Variants in GLUD2 observed in about 807,000 individuals in gnomAD.
The protein encoded by GLUD2 is glutamate dehydrogenase 2.
Under a neutral mutation model 16.2 loss-of-function variants are expected in GLUD2, and 11 were observed. That is an observed-to-expected ratio of 0.68 (90% CI 0.43 to 1.13). The LOEUF is 1.13. Ranked by LOEUF, GLUD2 falls within the 50% of genes most tolerant of loss-of-function variation. The probability of loss-of-function intolerance (pLI) is 0.00; values close to 1 mark genes in which losing one functional copy is unlikely to be tolerated. For missense variants in GLUD2, 360 were observed against 456.4 expected (o/e 0.79, Z 1.93); for synonymous variants, 147 against 181.9 (o/e 0.81, Z 1.55).
At position 121,048,908 on chromosome X, in the gene GLUD2, A is replaced by C; in HGVS notation, c.1224A>C (p.Pro408=). The change falls in exon 1 of 1, where the codon CCA becomes CCC. Residue 408 remains proline, a synonymous_variant. Coordinates refer to ENST00000328078, the MANE Select transcript of GLUD2 (RefSeq NM_012084.4). ...AKIIAEGANG[P]TTPEADKIFL... The stretch of plus-strand genomic sequence containing the variant: ...TCATTGCTGAAGGTGCCAATGGGCC[A>C]ACAACTCCAGAAGCTGATAAGATCT... The C allele has an allele frequency of 8.3e-7, 1 of 1,212,040 alleles. No individual in the cohort carries two copies. The highest frequency in any genetic ancestry group is 1.1e-6 in the Non-Finnish European group (1 of 895,533).
chrX:121,047,830 C>A lies in GLUD2; in HGVS notation c.146C>A (p.Ala49Asp). The change falls in exon 1 of 1, where the codon GCC becomes GAC. Residue 49 changes from alanine to aspartate, a missense_variant. Around this residue, in one of 3 missense-constraint regions of GLUD2, gnomAD observed 58 missense variants for 49.9 expected, o/e 1.16. Coordinates refer to ENST00000328078, the MANE Select transcript of GLUD2 (RefSeq NM_012084.4). ...TCGCAGCCGGGGCTCGCATTGGCCG[C>A]CCGGCGCCACTACAGCGAGTTGGTG... The part of the protein sequence containing the change: ...AASQPGLALA[A>D]RRHYSELVAD... The A allele has an allele frequency of 8.3e-7, 1 of 1,209,241 alleles. No individual in the cohort carries two copies.
chrX:121,048,194 C>T lies in GLUD2; in HGVS notation c.510C>T (p.Tyr170=). The T allele has an allele frequency of 8.3e-7, 1 of 1,211,890 alleles. No homozygotes were observed. Among genetic ancestry groups the T allele is most frequent in the Middle Eastern group, 2.3e-4 (1 of 4,302 alleles). The change falls in exon 1 of 1, where the codon TAC becomes TAT. Residue 170 remains tyrosine (Y), a synonymous_variant. Transcript: ENST00000328078. ...EVKALASLMT[Y]KCAVVDVPFG... ...AAGCTTTGGCTTCTCTGATGACATA[C>T]AAGTGTGCAGTGGTTGATGTGCCGT...
rs1014489604 is a variant in GLUD2, at chrX:121,048,026, T to A, written c.342T>A (p.His114Gln). ...GILRIIKPCN[H>Q]VLSLSFPIRR... The stretch of plus-strand genomic sequence containing the variant: ...TGCGGATCATCAAGCCCTGCAACCA[T>A]GTGCTGAGTCTCTCCTTCCCCATCC... The change falls in exon 1 of 1, where the codon CAT becomes CAA. Residue 114 changes from histidine (H) to glutamine (Q), a missense_variant. Physicochemically the swap from His to Gln is conservative, Grantham distance 24. This residue lies in a region of GLUD2 where 279 missense variants were observed against 352.9 expected (regional missense o/e 0.79). Transcript: ENST00000328078. The A allele has an allele frequency of 1.2e-5, 14 of 1,211,651 alleles. No individual in the cohort carries two copies. The highest frequency in any genetic ancestry group is 1.6e-5 in the Non-Finnish European group (14 of 895,410).
In GLUD2 at chrX:121,047,818, T is replaced by C. The variant is rs1443426846; in HGVS notation, c.134T>C (p.Leu45Pro). ...CCCGCCGCCGCCTCGCAGCCGGGGC[T>C]CGCATTGGCCGCCCGGCGCCACTAC... ...GQPAAASQPG[L>P]ALAARRHYSE... The change falls in exon 1 of 1, where the codon CTC (leucine) becomes CCC (proline). Residue 45 changes from leucine (L) to proline (P), a missense_variant. Physicochemically the swap from Leu to Pro is moderately conservative, Grantham distance 98. Around this residue, in one of 3 missense-constraint regions of GLUD2, gnomAD observed 58 missense variants for 49.9 expected, o/e 1.16. Coordinates refer to ENST00000328078, the MANE Select transcript of GLUD2 (RefSeq NM_012084.4). The C allele has an allele frequency of 8.3e-7, 1 of 1,206,656 alleles. No homozygotes were observed. The highest frequency in any genetic ancestry group is 1.1e-6 in the Non-Finnish European group (1 of 894,431).
In GLUD2 at chrX:121,048,926, T is replaced by C. The variant is rs754281556; in HGVS notation, c.1242T>C (p.Asp414=). The C allele has an allele frequency of 2.3e-5, 28 of 1,210,282 alleles. No individual in the cohort carries two copies. The Admixed American group carries it at 4.4e-4, about 19-fold the overall frequency. The part of the protein sequence containing the change: ...GANGPTTPEA[D]KIFLERNILV... ...ATGGGCCAACAACTCCAGAAGCTGA[T>C]AAGATCTTCCTGGAGAGAAACATTT... Residue 414 remains aspartate, a synonymous_variant, in exon 1 of 1, where the codon GAT becomes GAC. Coordinates refer to ENST00000328078, the MANE Select transcript of GLUD2 (RefSeq NM_012084.4).
rs202107973 is a variant in GLUD2, at chrX:121,049,371, G to A, written c.*10G>A. On this transcript the variant is annotated 3_prime_UTR_variant, in exon 1 of 1. Coordinates refer to ENST00000328078, the MANE Select transcript of GLUD2 (RefSeq NM_012084.4). ...TGTGACCTTCACATAGATGGATCAT[G>A]GCTGACTTCCTCACTAACCTCTTCA... The A allele has an allele frequency of 3.9e-4, 469 of 1,191,966 alleles. No individual in the cohort carries two copies. Among genetic ancestry groups the A allele is most frequent in the Non-Finnish European group, 4.9e-4 (427 of 879,847 alleles).
rs779702832 is a variant in GLUD2, at chrX:121,048,568, T to A, written c.884T>A (p.Met295Lys). The A allele has an allele frequency of 9.9e-6, 12 of 1,212,125 alleles. No individual in the cohort carries two copies. The Admixed American group carries it at 2.4e-4, about 24-fold the overall frequency. Reference sequence around the variant, plus strand: ...GCTTCTTACATGAGCATTTTAGGAATGACACCAGGGTTTAGAGATAAAACA... The same window carrying A: ...GCTTCTTACATGAGCATTTTAGGAAAGACACCAGGGTTTAGAGATAAAACA... ...NEASYMSILG[M>K]TPGFRDKTFV... Residue 295 changes from methionine (M) to lysine (K), a missense_variant, in exon 1 of 1, where the codon ATG (methionine) becomes AAG (lysine). Physicochemically the swap from Met to Lys is moderately conservative, Grantham distance 95. This residue lies in a region of GLUD2 where 279 missense variants were observed against 352.9 expected (regional missense o/e 0.79). Transcript: ENST00000328078.
In GLUD2 at chrX:121,049,257, G is replaced by A. The variant is rs747784968; in HGVS notation, c.1573G>A (p.Ala525Thr). 3.3e-6 allele frequency: 4 copies of A among 1,211,347 alleles called. No homozygotes were observed. The South Asian group carries it at 7.0e-5, about 21-fold the overall frequency. ...ERSARQIMHT[A>T]MKYNLGLDLR... is the part of the protein sequence containing the mutation. Reference sequence around the variant, plus strand: ...TTCTGCCAGGCAAATTATGCACACAGCCATGAAGTATAACCTGGGATTGGA... The same window carrying A: ...TTCTGCCAGGCAAATTATGCACACAACCATGAAGTATAACCTGGGATTGGA... The change falls in exon 1 of 1, where the codon GCC (alanine) becomes ACC (threonine). Residue 525 changes from alanine (A) to threonine (T), a missense_variant. This residue lies in a region of GLUD2 where 279 missense variants were observed against 352.9 expected (regional missense o/e 0.79). Transcript: ENST00000328078.
In GLUD2 at chrX:121,047,645, T is replaced by C. The variant is rs1182615579; in HGVS notation, c.-40T>C. 1.1e-6 allele frequency: 1 copy of C among 932,639 alleles called. No individual in the cohort carries two copies. The highest frequency in any genetic ancestry group is 1.4e-6 in the Non-Finnish European group (1 of 717,675). 76.9% of individuals were successfully genotyped at this position (932,639 alleles called of 1,213,427 possible). A position where few individuals can be genotyped will look rare whatever the true frequency, so the allele number is the denominator to read the frequency against. ...CGCGGGGAGTCTGAGAAAGCGCACC[T>C]GTTCCGCGACCGTCACGCACCCCTC... is the stretch of plus-strand genomic sequence containing the variant. On this transcript the variant is annotated 5_prime_UTR_variant, in exon 1 of 1. Transcript: ENST00000328078.
In GLUD2 at chrX:121,047,649, C is replaced by A; in HGVS notation, c.-36C>A. 1.1e-6 allele frequency: 1 copy of A among 949,894 alleles called. No homozygotes were observed. The highest frequency in any genetic ancestry group is 2.0e-5 in the African/African-American group (1 of 49,095). The allele number at this position is 949,894 out of a possible 1,213,427, so 78.3% of individuals were successfully genotyped here. A position where few individuals can be genotyped will look rare whatever the true frequency, so the allele number is the denominator to read the frequency against. On this transcript the variant is annotated 5_prime_UTR_variant, in exon 1 of 1. Coordinates refer to ENST00000328078, the MANE Select transcript of GLUD2 (RefSeq NM_012084.4). ...GGGAGTCTGAGAAAGCGCACCTGTT[C>A]CGCGACCGTCACGCACCCCTCCTCC...
Position 121,048,217 on chromosome X carries a change from C to G in GLUD2, c.533C>G (p.Pro178Arg), listed in dbSNP as rs1366485762. Residue 178 changes from proline (P) to arginine (R), a missense_variant, in exon 1 of 1, where the codon CCG (proline) becomes CGG (arginine). This residue lies in a region of GLUD2 where 279 missense variants were observed against 352.9 expected (regional missense o/e 0.79). Transcript: ENST00000328078. ...TACAAGTGTGCAGTGGTTGATGTGC[C>G]GTTTGGGGGTGCTAAAGCTGGTGTT... is the stretch of plus-strand genomic sequence containing the variant. ...MTYKCAVVDV[P>R]FGGAKAGVKI... 2 of 1,211,459 alleles carry G rather than the reference C, an allele frequency of 1.7e-6. No individual in the cohort carries two copies. Among genetic ancestry groups the G allele is most frequent in the East Asian group, 5.9e-5 (2 of 33,830 alleles).
At position 121,048,712 on chromosome X, in the gene GLUD2, T is replaced by C. The variant is rs1192773674; in HGVS notation, c.1028T>C (p.Ile343Thr). 8.3e-7 allele frequency: 1 copy of C among 1,209,824 alleles called. No individual in the cohort carries two copies. Among genetic ancestry groups the C allele is most frequent in the African/African-American group, 1.8e-5 (1 of 57,074 alleles). ...SDGSIWNPDG[I>T]DPKELEDFKL... ...GGGAGTATATGGAATCCAGATGGTATTGACCCAAAGGAACTGGAAGACTTC... is the reference window on the plus strand; with the variant it reads ...GGGAGTATATGGAATCCAGATGGTACTGACCCAAAGGAACTGGAAGACTTC... Residue 343 changes from isoleucine (I) to threonine (T), a missense_variant, in exon 1 of 1, where the codon ATT (isoleucine) becomes ACT (threonine). Coordinates refer to ENST00000328078, the MANE Select transcript of GLUD2 (RefSeq NM_012084.4).
At position 121,049,677 on chromosome X, in the gene GLUD2, A is replaced by G. The variant is rs940742961; in HGVS notation, c.*316A>G. 5.8e-6 allele frequency: 2 copies of G among 343,261 alleles called. No individual in the cohort carries two copies. Among genetic ancestry groups the G allele is most frequent in the Non-Finnish European group, 5.4e-6 (1 of 186,756 alleles). The allele number at this position is 343,261 out of a possible 1,213,427, so 28.3% of individuals were successfully genotyped here. The stretch of plus-strand genomic sequence containing the variant: ...AATCAGTGCTAGTGCTGGGGAAGGG[A>G]CAGTCAAGAGCAGTCAGTTGCTTAC... On this transcript the variant is annotated 3_prime_UTR_variant, in exon 1 of 1. Transcript: ENST00000328078.
At position 121,047,961 on chromosome X, in the gene GLUD2, G is replaced by C; in HGVS notation, c.277G>C (p.Glu93Gln). ...GTTGGTGAAGGACCTGAGGACCCAG[G>C]AAAGCGAGGAGCAGAAGCGGAACCG... ...DKLVKDLRTQ[E>Q]SEEQKRNRVR... The change falls in exon 1 of 1, where the codon GAA becomes CAA. Residue 93 changes from glutamate (E) to glutamine (Q), a missense_variant. Glu to Gln is a conservative substitution (Grantham distance 29). Coordinates refer to ENST00000328078, the MANE Select transcript of GLUD2 (RefSeq NM_012084.4). The C allele has an allele frequency of 2.5e-6, 3 of 1,211,868 alleles. No individual in the cohort carries two copies. The highest frequency in any genetic ancestry group is 3.3e-6 in the Non-Finnish European group (3 of 895,608).
rs1423892404 is a variant in GLUD2 at position 121,049,366 on chromosome X, A to G, written c.*5A>G. 2.1e-5 allele frequency: 25 copies of G among 1,196,997 alleles called. No individual in the cohort carries two copies. Among genetic ancestry groups the G allele is most frequent in the Non-Finnish European group, 2.8e-5 (25 of 883,215 alleles). ...GCTGGTGTGACCTTCACATAGATGG[A>G]TCATGGCTGACTTCCTCACTAACCT... On this transcript the variant is annotated 3_prime_UTR_variant, in exon 1 of 1. Coordinates refer to ENST00000328078, the MANE Select transcript of GLUD2 (RefSeq NM_012084.4).
At position 121,048,337 on chromosome X, in the gene GLUD2, G is replaced by T; in HGVS notation, c.653G>T (p.Gly218Val). ...GCAAAGAAGGGCTTTATTGGTCCTG[G>T]CGTTGATGTGCCTGCTCCAGACATG... ...ELAKKGFIGP[G>V]VDVPAPDMNT... The change falls in exon 1 of 1, where the codon GGC becomes GTC. Residue 218 changes from glycine (G) to valine (V), a missense_variant. Physicochemically the swap from Gly to Val is moderately radical, Grantham distance 109. Around this residue, in one of 3 missense-constraint regions of GLUD2, gnomAD observed 279 missense variants for 352.9 expected, o/e 0.79. Coordinates refer to ENST00000328078, the MANE Select transcript of GLUD2 (RefSeq NM_012084.4). The T allele has an allele frequency of 8.3e-7, 1 of 1,211,719 alleles. No individual in the cohort carries two copies. The highest frequency in any genetic ancestry group is 1.7e-5 in the African/African-American group (1 of 57,755).
In GLUD2 at chrX:121,049,452, C is replaced by T. The variant is rs1925457625; in HGVS notation, c.*91C>T. 6 of 808,070 alleles carry T rather than the reference C, an allele frequency of 7.4e-6. No homozygotes were observed. The South Asian group carries it at 8.3e-5, about 11-fold the overall frequency. The allele number at this position is 808,070 out of a possible 1,213,427, so 66.6% of individuals were successfully genotyped here. A position where few individuals can be genotyped will look rare whatever the true frequency, so the allele number is the denominator to read the frequency against. Reference sequence around the variant, plus strand: ...TACATGTAACCACAGAAATCCCTTTCTCTCCTGACTCATTACTAATGGATA... The same window carrying T: ...TACATGTAACCACAGAAATCCCTTTTTCTCCTGACTCATTACTAATGGATA... On this transcript the variant is annotated 3_prime_UTR_variant, in exon 1 of 1. Transcript: ENST00000328078.
In GLUD2 at chrX:121,048,309, C is replaced by G; in HGVS notation, c.625C>G (p.Leu209Val). ...GATCACAAGGAGGTTCACCATGGAG[C>G]TAGCAAAGAAGGGCTTTATTGGTCC... Reference protein sequence around the residue: ...EKITRRFTMELAKKGFIGPGV... With the variant: ...EKITRRFTMEVAKKGFIGPGV... Residue 209 changes from leucine (L) to valine (V), a missense_variant, in exon 1 of 1, where the codon CTA (leucine) becomes GTA (valine). Physicochemically the swap from Leu to Val is conservative, Grantham distance 32. Around this residue, in one of 3 missense-constraint regions of GLUD2, gnomAD observed 279 missense variants for 352.9 expected, o/e 0.79. Transcript: ENST00000328078. 2 of 1,211,843 alleles carry G rather than the reference C, an allele frequency of 1.7e-6. No individual in the cohort carries two copies. The highest frequency in any genetic ancestry group is 3.0e-5 in the East Asian group (1 of 33,830).
Position 121,049,358 on chromosome X carries a change from A to G in GLUD2, c.1674A>G (p.Thr558=). 8.3e-7 allele frequency: 1 copy of G among 1,202,372 alleles called. No homozygotes were observed. The highest frequency in any genetic ancestry group is 1.8e-5 in the South Asian group (1 of 56,767). ...KVYSEAGVTF[T] ...ACAGTGAAGCTGGTGTGACCTTCAC[A>G]TAGATGGATCATGGCTGACTTCCTC... The change falls in exon 1 of 1, where the codon ACA becomes ACG. Residue 558 remains threonine, a synonymous_variant. Coordinates refer to ENST00000328078, the MANE Select transcript of GLUD2 (RefSeq NM_012084.4).
Sources: allele counts gnomAD v4.1 joint callset, GRCh38; gene constraint gnomAD v4.1.1; regional missense constraint gnomAD v4.1.1; transcripts MANE v1.5; gene names NCBI Gene and HGNC (gene_info 2026-07-23, HGNC 2026-07-21).